Variants in PRKAR1A observed in about 807,000 individuals in gnomAD.
PRKAR1A encodes protein kinase cAMP-dependent type I regulatory subunit alpha.
PRKAR1A carries 3 observed loss-of-function variants against 52.0 expected under a neutral mutation model. The observed-to-expected ratio is 0.06, with a 90% CI of 0.03 to 0.15. The LOEUF (loss-of-function observed/expected upper bound fraction) is 0.15. Among genes scored for constraint, PRKAR1A ranks in the 10% least tolerant of loss-of-function variants. The pLI is 1.00. For synonymous variants in PRKAR1A, 188 were observed against 168.4 expected, an observed-to-expected ratio of 1.12 and a Z score of -0.90; for missense variants, 240 against 477.4, an observed-to-expected ratio of 0.50 and a Z score of 4.63.
chr17:68,472,544 T>C, the PRKAR1A span, among the ~76,000 whole-genome samples: 7 of 152,186 alleles, frequency 4.6e-5, no homozygotes, highest in African/African-American at 1.7e-4. Context: ...ATAAAGCTTT[T>C]CTTTAAAAAT....
At chr17:68,496,648 A>T in the PRKAR1A span, among the ~76,000 whole-genome samples, 1 of 152,108 alleles carries the variant, frequency 6.6e-6, no homozygotes. Context: ...TCCTATGGTA[A>T]AAAGGCTGTG....
chr17:68,494,413 G>A, the PRKAR1A span, among the ~76,000 whole-genome samples: 1 of 152,022 alleles, frequency 6.6e-6, no homozygotes, highest in African/African-American at 2.4e-5. Context: ...ATGGTGGTGG[G>A]AGCCTGTAAT....
chr17:68,540,876 C>A (rs537397943), intron 11 of PRKAR1A: 2 of 1,604,190 alleles, frequency 1.2e-6, no homozygotes, highest in Non-Finnish European at 1.7e-6. Flanking sequence ...ATGGCCATGT[C>A]GATGACATTG....
chr17:68,528,108 G>A (rs2085848608), intron 8 of PRKAR1A, among the ~76,000 whole-genome samples: 1 of 152,180 alleles, frequency 6.6e-6, no homozygotes, highest in Non-Finnish European at 1.5e-5. Flanking sequence ...GAGTTGATTG[G>A]TTCAGAAAAG....
chr17:68,471,639 A>G, the PRKAR1A span, among the ~76,000 whole-genome samples: 1 of 151,866 alleles, frequency 6.6e-6, no homozygotes, highest in African/African-American at 2.4e-5. Flanking sequence ...TTACTGGGAG[A>G]GGGGGGAGGT....
At chr17:68,427,875 T>C in the PRKAR1A span, among the ~76,000 whole-genome samples, 3,136 of 152,158 alleles carry the variant, frequency 0.021, 112 homozygotes, top group African/African-American at 0.072. Context: ...ACAGAAGGCA[T>C]GAGTGCTTTT....
At chr17:68,481,523 G>A in the PRKAR1A span, among the ~76,000 whole-genome samples, 1 of 152,114 alleles carries the variant, frequency 6.6e-6, no homozygotes, top group Non-Finnish European at 1.5e-5. Context: ...TTCACAATAG[G>A]GTTCTTGCTG....
At chr17:68,540,755 T>A (rs2086249505) in intron 11 of PRKAR1A, 1 of 1,476,486 alleles carries the variant, frequency 6.8e-7, no homozygotes. Flanking sequence ...TCAGTCCTCA[T>A]GAACCAGGTT....
chr17:68,441,517 A>G, the PRKAR1A span, among the ~76,000 whole-genome samples: 1 of 152,216 alleles, frequency 6.6e-6, no homozygotes, highest in Non-Finnish European at 1.5e-5. Flanking sequence ...GAGGATGAGA[A>G]CAGATAAGGC....
chr17:68,497,081 C>A, the PRKAR1A span, among the ~76,000 whole-genome samples: 12 of 152,050 alleles, frequency 7.9e-5, no homozygotes, highest in African/African-American at 2.9e-4. Context: ...GCCCAGGCCT[C>A]CCAAATTTCT....
chr17:68,523,922 G>A (rs2085698240), intron 4 of PRKAR1A, 94 bp from the exon 5 acceptor site: 2 of 1,580,778 alleles, frequency 1.3e-6, no homozygotes, highest in South Asian at 2.2e-5. Flanking sequence ...TTGTTCACCA[G>A]ATGACAGTCT....
chr17:68,522,688 T>C, intron 2 of PRKAR1A, 68 bp from the exon 3 acceptor site: 2 of 1,533,162 alleles, frequency 1.3e-6, no homozygotes, highest in Admixed American at 1.7e-5. Flanking sequence ...TAGACTATCA[T>C]TGGAACATGA....
At chr17:68,443,758 T>A in the PRKAR1A span, among the ~76,000 whole-genome samples, 2 of 152,252 alleles carry the variant, frequency 1.3e-5, no homozygotes, top group Non-Finnish European at 2.9e-5. Context: ...AAGCAGTTGT[T>A]CAATGATACC....
At position 68,522,871 on chromosome 17, in the gene PRKAR1A, G is replaced by A. The variant is rs2143274294; in HGVS notation, c.293G>A (p.Gly98Asp). ...NPVVKGRRRR[G>D]AISAEVYTEE... ...GTGGTTAAAGGTAGGAGGCGACGAGGTGCTATCAGCGCTGAGGTCTACACG... is the reference window on the plus strand; with the variant it reads ...GTGGTTAAAGGTAGGAGGCGACGAGATGCTATCAGCGCTGAGGTCTACACG... The change falls in exon 3 of 11, where the codon GGT becomes GAT. Residue 98 changes from glycine to aspartate, a missense_variant. By Grantham distance (94) the Gly-to-Asp change is moderately conservative. Transcript: ENST00000589228. The A allele has an allele frequency of 1.2e-6, 2 of 1,613,560 alleles. No individual in the cohort carries two copies. The highest frequency in any genetic ancestry group is 2.2e-5 in the South Asian group (2 of 91,044).
At chr17:68,449,159 C>T in the PRKAR1A span, among the ~76,000 whole-genome samples, 1 of 152,152 alleles carries the variant, frequency 6.6e-6, no homozygotes, top group Admixed American at 6.5e-5. Context: ...ATGCAGCAAC[C>T]GCTCTGGGAA....
chr17:68,450,708 T>A, the PRKAR1A span: 1 of 1,598,932 alleles, frequency 6.3e-7, no homozygotes, highest in African/African-American at 1.3e-5. Flanking sequence ...TTTGAAACCC[T>A]GAGGGATTTC....
the PRKAR1A span, among the ~76,000 whole-genome samples, chr17:68,488,938 G>A: frequency 5.3e-3 from 801 of 151,202 alleles, 15 homozygotes; most frequent in African/African-American, 0.019. Context: ...TCTGAATTGG[G>A]CTTGTCTTGA....
chr17:68,537,230 C>T (rs769013630), downstream of PRKAR1A: 19 of 652,294 alleles, frequency 2.9e-5, 1 homozygote, highest in South Asian at 1.1e-4. The surrounding 1 kb of genome is among the most constrained non-coding windows in gnomAD (Gnocchi z 4.2). Context: ...AGGAGATCGT[C>T]GGTGGCCTTG....
At chr17:68,459,544 A>G in the PRKAR1A span, among the ~76,000 whole-genome samples, 1 of 152,226 alleles carries the variant, frequency 6.6e-6, no homozygotes, top group Non-Finnish European at 1.5e-5. Context: ...AGAAGTCTTT[A>G]GGGGACTAAT....
Sources: allele counts gnomAD v4.1 joint callset (sites outside exome capture counted in the v4.1 genomes callset), GRCh38; gene constraint gnomAD v4.1.1; non-coding constraint Gnocchi (gnomAD v3.1); transcripts MANE v1.5; gene names NCBI Gene and HGNC (gene_info 2026-07-23, HGNC 2026-07-21).